Variants in YRDC observed in about 807,000 individuals in gnomAD.
The protein encoded by YRDC is threonylcarbamoyl-AMP synthase.
Under a neutral mutation model 21.5 loss-of-function variants are expected in YRDC, and 17 were observed. The observed-to-expected ratio is 0.79, with a 90% CI of 0.54 to 1.19. The LOEUF is 1.19. Ranked by LOEUF, YRDC falls within the 50% of genes most tolerant of loss-of-function variation. The probability of loss-of-function intolerance (pLI) is 0.00; values close to 1 mark genes in which losing one functional copy is unlikely to be tolerated. For missense variants in YRDC, 380 were observed against 397.1 expected, an observed-to-expected ratio of 0.96 and a Z score of 0.37; for synonymous variants, 193 against 176.7, an observed-to-expected ratio of 1.09 and a Z score of -0.73.
chr1:37,803,777 T>G lies in YRDC; in HGVS notation c.*148A>C. 5 of 763,300 alleles carry G rather than the reference T, an allele frequency of 6.6e-6. No homozygotes were observed. The South Asian group carries it at 8.9e-5, about 14-fold the overall frequency. 47.3% of individuals were successfully genotyped at this position (763,300 alleles called of 1,614,324 possible). ...TAAACCAGCAGCTCCAAGGGCTTGGTCTACAGTGCTCAGAAAGACACACTG... is the reference window on the plus strand; with the variant it reads ...TAAACCAGCAGCTCCAAGGGCTTGGGCTACAGTGCTCAGAAAGACACACTG... On this transcript the variant is annotated 3_prime_UTR_variant, in exon 5 of 5. Transcript: ENST00000373044.
Position 37,808,105 on chromosome 1 carries a change from C to A in YRDC, c.76G>T (p.Gly26Cys). 6.9e-7 allele frequency: 1 copy of A among 1,438,872 alleles called. No individual in the cohort carries two copies. Among genetic ancestry groups the A allele is most frequent in the Non-Finnish European group, 9.1e-7 (1 of 1,100,650 alleles). The allele number at this position is 1,438,872 out of a possible 1,614,324, so 89.1% of individuals were successfully genotyped here. A position where few individuals can be genotyped will look rare whatever the true frequency, so the allele number is the denominator to read the frequency against. The change falls in exon 1 of 5, where the codon GGC becomes TGC. Residue 26 changes from glycine (G) to cysteine (C), a missense_variant. Physicochemically the swap from Gly to Cys is radical, Grantham distance 159. This residue lies in a region of YRDC where 91 missense variants were observed against 64.7 expected (regional missense o/e 1.41). Transcript: ENST00000373044. Reference protein sequence around the residue: ...ASVGLSEGPAGSRSGRLFRPP... With the variant: ...ASVGLSEGPACSRSGRLFRPP... ...CGGAAGAGGCGACCGCTCCGGGAGC[C>A]AGCAGGCCCCTCGCTCAACCCCACG...
At position 37,808,182 on chromosome 1, in the gene YRDC, CGCCCAGGCCCGCTTCCGGGAGGAA is replaced by C. The variant is rs1327222792; in HGVS notation, c.-26_-3del. On this transcript the variant is annotated 5_prime_UTR_variant, in exon 1 of 5. Coordinates refer to ENST00000373044, the MANE Select transcript of YRDC (RefSeq NM_024640.4). ...CCTGCACCGACGCGCCGGAGACATC[CGCCCAGGCCCGCTTCCGGGAGGAA>C]GTGACGCTCCCAGCCAGCTTCCGGT... 1 of 1,437,650 alleles carries C rather than the reference CGCCCAGGCCCGCTTCCGGGAGGAA, an allele frequency of 7.0e-7. No homozygotes were observed. The allele number at this position is 1,437,650 out of a possible 1,614,324, so 89.1% of individuals were successfully genotyped here.
chr1:37,803,815 G>A lies in YRDC; in HGVS notation c.*110C>T. 8.2e-7 allele frequency: 1 copy of A among 1,212,234 alleles called. No homozygotes were observed. Among genetic ancestry groups the A allele is most frequent in the Non-Finnish European group, 1.2e-6 (1 of 844,660 alleles). The allele number at this position is 1,212,234 out of a possible 1,614,324, so 75.1% of individuals were successfully genotyped here. On this transcript the variant is annotated 3_prime_UTR_variant, in exon 5 of 5. Transcript: ENST00000373044. The stretch of plus-strand genomic sequence containing the variant: ...GAAAGACACACTGCCTTAAAAGTCA[G>A]GCTAGTGCCCTAGCTCCGGTGGCCT...
rs1346062185 is a variant in YRDC, at chr1:37,806,891, T to G, written c.590A>C (p.Asn197Thr). ...FEGPLALTSA[N>T]LSSQASSLNV... is the part of the protein sequence containing the mutation. ...CAGAGAACTGGCCTGGGAGCTGAGG[T>G]TGGCACTAGTGAGAGCAAGCGGACC... The change falls in exon 3 of 5, where the codon AAC becomes ACC. Residue 197 changes from asparagine (N) to threonine (T), a missense_variant. Asn to Thr is a moderately conservative substitution (Grantham distance 65, BLOSUM62 0). This residue lies in a region of YRDC where 238 missense variants were observed against 236.5 expected (regional missense o/e 1.01). Coordinates refer to ENST00000373044, the MANE Select transcript of YRDC (RefSeq NM_024640.4). 1.2e-6 allele frequency: 2 copies of G among 1,614,110 alleles called. No individual in the cohort carries two copies. The highest frequency in any genetic ancestry group is 1.1e-5 in the South Asian group (1 of 91,082).
In YRDC at chr1:37,803,814, A is replaced by T; in HGVS notation, c.*111T>A. The T allele has an allele frequency of 8.4e-7, 1 of 1,188,248 alleles. No homozygotes were observed. The highest frequency in any genetic ancestry group is 1.4e-5 in the South Asian group (1 of 71,994). The allele number at this position is 1,188,248 out of a possible 1,614,324, so 73.6% of individuals were successfully genotyped here. ...AGAAAGACACACTGCCTTAAAAGTCAGGCTAGTGCCCTAGCTCCGGTGGCC... is the reference window on the plus strand; with the variant it reads ...AGAAAGACACACTGCCTTAAAAGTCTGGCTAGTGCCCTAGCTCCGGTGGCC... On this transcript the variant is annotated 3_prime_UTR_variant, in exon 5 of 5. Transcript: ENST00000373044.
rs1356608108 is a variant in YRDC at position 37,806,788 on chromosome 1, T to C, written c.624+69A>G. ...CCTGGCCATCCCAGTGTACTATCAA[T>C]GCCACTGATTCACAGAAAACAGTAT... is the stretch of plus-strand genomic sequence containing the variant. On this transcript the variant is annotated intron_variant, in intron 3 of 4. Coordinates refer to ENST00000373044, the MANE Select transcript of YRDC (RefSeq NM_024640.4). 5.6e-6 allele frequency: 9 copies of C among 1,606,516 alleles called. No individual in the cohort carries two copies. The Admixed American group carries it at 8.4e-5, about 15-fold the overall frequency.
intron 1 of YRDC, 55 bp downstream of exon 1, chr1:37,807,737 C>T: frequency 7.0e-7 from 1 of 1,421,538 alleles, no homozygotes; most frequent in South Asian, 1.4e-5. Flanking sequence ...AGCCTGTCAC[C>T]GGAAACCCCT....
At chr1:37,807,664 C>G (rs1646749302) in intron 1 of YRDC, 128 bp downstream of exon 1, 3 of 1,338,834 alleles carry the variant, frequency 2.2e-6, no homozygotes, top group Non-Finnish European at 2.9e-6. Flanking sequence ...TACATATTTC[C>G]AGTTCCGGAT....
At chr1:37,804,699 A>C (rs1364466319) in intron 3 of YRDC, among the ~76,000 whole-genome samples, 1 of 152,190 alleles carries the variant, frequency 6.6e-6, no homozygotes, top group Non-Finnish European at 1.5e-5. Flanking sequence ...GTCAAAAGGA[A>C]ATTTCACACA....
chr1:37,804,809 G>C (rs981401532), intron 3 of YRDC, among the ~76,000 whole-genome samples: 4 of 152,216 alleles, frequency 2.6e-5, no homozygotes, highest in Non-Finnish European at 5.9e-5. Context: ...GTGACTGCAT[G>C]CAAGTTACTC....
chr1:37,804,938 G>A (rs979138335), intron 3 of YRDC, among the ~76,000 whole-genome samples: 1 of 152,138 alleles, frequency 6.6e-6, no homozygotes, highest in Non-Finnish European at 1.5e-5. Flanking sequence ...CTGGCTTGCC[G>A]CAAAGATAAG....
intron 2 of YRDC, 34 bp downstream of exon 2, chr1:37,807,067 G>T: frequency 2.5e-6 from 4 of 1,613,992 alleles, no homozygotes; most frequent in Non-Finnish European, 3.4e-6. Context: ...CAAGTGGCCT[G>T]GAGTCTGGGG....
chr1:37,807,696 C>A, intron 1 of YRDC, 96 bp downstream of exon 1: 1 of 1,357,786 alleles, frequency 7.4e-7, no homozygotes. Context: ...CCTGGACAAG[C>A]CCCTCCCGCT....
At chr1:37,804,566 G>A (rs190083091) in intron 3 of YRDC, 122 bp from the exon 4 acceptor site, 711 of 1,248,648 alleles carry the variant, frequency 5.7e-4, no homozygotes, top group Admixed American at 7.1e-4. Context: ...TCTAAGCAGA[G>A]AAAGGAGCTT....
intron 3 of YRDC, among the ~76,000 whole-genome samples, chr1:37,805,469 G>A (rs966947483): frequency 9.2e-5 from 14 of 152,188 alleles, no homozygotes; most frequent in African/African-American, 3.4e-4. Flanking sequence ...TCCCCCTAGA[G>A]CAGTGGACTG....
Position 37,807,810 on chromosome 1 carries a change from C to G in YRDC, c.371G>C (p.Arg124Pro). Residue 124 changes from arginine to proline, a missense_variant, in exon 1 of 5, where the codon CGC (arginine) becomes CCC (proline). Around this residue, in one of 3 missense-constraint regions of YRDC, gnomAD observed 238 missense variants for 236.5 expected, o/e 1.01. Coordinates refer to ENST00000373044, the MANE Select transcript of YRDC (RefSeq NM_024640.4). The stretch of plus-strand genomic sequence containing the variant: ...GCCTTACCTGTAGACGTCGGCCACG[C>G]GGCCGAGGCATACGGCCAGAGGCTT... ...EAKPLAVCLGRVADVYRYCRV... is the reference protein window; with the variant it reads ...EAKPLAVCLGPVADVYRYCRV... 1 of 1,509,688 alleles carries G rather than the reference C, an allele frequency of 6.6e-7. No individual in the cohort carries two copies. The highest frequency in any genetic ancestry group is 8.8e-7 in the Non-Finnish European group (1 of 1,133,570). 93.5% of individuals were successfully genotyped at this position (1,509,688 alleles called of 1,614,324 possible). A position where few individuals can be genotyped will look rare whatever the true frequency, so the allele number is the denominator to read the frequency against.
chr1:37,808,119 C>G lies in YRDC; in HGVS notation c.62G>C (p.Ser21Thr), dbSNP rs1261013266. 6.9e-7 allele frequency: 1 copy of G among 1,459,344 alleles called. No individual in the cohort carries two copies. The allele number at this position is 1,459,344 out of a possible 1,614,324, so 90.4% of individuals were successfully genotyped here. The change falls in exon 1 of 5, where the codon AGC becomes ACC. Residue 21 changes from serine (S) to threonine (T), a missense_variant. Physicochemically the swap from Ser to Thr is moderately conservative, Grantham distance 58 (BLOSUM62 1). This residue lies in a region of YRDC where 91 missense variants were observed against 64.7 expected (regional missense o/e 1.41). Transcript: ENST00000373044. ...RAAVAASVGL[S>T]EGPAGSRSGR... ...GCTCCGGGAGCCAGCAGGCCCCTCG[C>G]TCAACCCCACGCTGGCAGCCACCGC...
intron 4 of YRDC, 35 bp downstream of exon 4, chr1:37,804,267 A>C (rs1646720870): frequency 6.3e-7 from 1 of 1,597,008 alleles, no homozygotes. Flanking sequence ...AACCTCCCTC[A>C]AATTATTTCC....
intron 3 of YRDC, among the ~76,000 whole-genome samples, chr1:37,805,968 T>A (rs1284794069): frequency 6.6e-6 from 1 of 152,336 alleles, no homozygotes; most frequent in East Asian, 1.9e-4. Flanking sequence ...TGTAGCTTAT[T>A]ACTACGTTTT....
Sources: allele counts gnomAD v4.1 joint callset (sites outside exome capture counted in the v4.1 genomes callset), GRCh38; gene constraint gnomAD v4.1.1; regional missense constraint gnomAD v4.1.1; transcripts MANE v1.5; gene names NCBI Gene and HGNC (gene_info 2026-07-23, HGNC 2026-07-21).